STXBP5: variants seen among roughly 807,000 people sequenced by gnomAD.
STXBP5 encodes syntaxin binding protein 5.
Under a neutral mutation model 152.4 loss-of-function variants are expected in STXBP5, and 50 were observed. The observed-to-expected ratio is 0.33, with a 90% confidence interval of 0.26 to 0.42. The LOEUF (loss-of-function observed/expected upper bound fraction) is 0.42, where lower values mean the gene tolerates loss of function less well. STXBP5 is among the 10% of genes least tolerant of loss of function. The pLI, the probability that STXBP5 is intolerant of heterozygous loss-of-function variation, is 1.00. For synonymous variants in STXBP5, 492 were observed against 494.7 expected (o/e 0.99, Z 0.07); for missense variants, 1,167 against 1,388.6 (o/e 0.84, Z 2.54).
At chr6:147,374,311 A>G (rs973622023) in intron 26 of STXBP5, among the ~76,000 whole-genome samples, 3 of 152,224 alleles carry the variant, frequency 2.0e-5, no homozygotes, top group Non-Finnish European at 4.4e-5. Flanking sequence ...TCCTTGAATG[A>G]ACTAATGAAT....
At chr6:147,251,974 G>A (rs992550246) in intron 4 of STXBP5, among the ~76,000 whole-genome samples, 1 of 152,172 alleles carries the variant, frequency 6.6e-6, no homozygotes, top group African/African-American at 2.4e-5. Context: ...GCAAACTCCA[G>A]CAGACCTGCA....
intron 4 of STXBP5, among the ~76,000 whole-genome samples, chr6:147,248,296 A>C (rs1294733848): frequency 6.6e-6 from 1 of 152,018 alleles, no homozygotes; most frequent in Non-Finnish European, 1.5e-5. Context: ...AAAAAAAAAA[A>C]AACTACTTAG....
intron 7 of STXBP5, among the ~76,000 whole-genome samples, chr6:147,276,312 T>C (rs993077458): frequency 5.3e-5 from 8 of 152,162 alleles, no homozygotes; most frequent in African/African-American, 1.9e-4. Context: ...ATTTCTTTGC[T>C]TTTTTGTGGG....
At chr6:147,273,176 G>A (rs374248366) in intron 7 of STXBP5, among the ~76,000 whole-genome samples, 1 of 67,228 alleles carries the variant, frequency 1.5e-5, no homozygotes, top group East Asian at 8.0e-4. Context: ...AACATAGCAA[G>A]ACCCTGCCTC....
intron 12 of STXBP5, 60 bp from the exon 13 acceptor site, chr6:147,314,204 C>CAT: frequency 7.0e-7 from 1 of 1,434,822 alleles, no homozygotes; most frequent in Non-Finnish European, 9.8e-7. Context: ...CACACACACA[C>CAT]ACACACGGAG....
intron 9 of STXBP5, among the ~76,000 whole-genome samples, chr6:147,303,429 C>T (rs1350751314): frequency 1.3e-5 from 2 of 152,156 alleles, no homozygotes; most frequent in Admixed American, 1.3e-4. Context: ...CCTCCCCAGC[C>T]ATGCTGAACT....
chr6:147,270,409 A>AAG (rs1243674406), intron 7 of STXBP5, among the ~76,000 whole-genome samples: 3 of 151,566 alleles, frequency 2.0e-5, no homozygotes, highest in Non-Finnish European at 4.4e-5. Flanking sequence ...AAAAAAAAAA[A>AAG]AAAAAAATTA....
At chr6:147,366,657 T>C (rs1412626079) in intron 25 of STXBP5, among the ~76,000 whole-genome samples, 1 of 152,208 alleles carries the variant, frequency 6.6e-6, no homozygotes, top group African/African-American at 2.4e-5. Flanking sequence ...TGTAATTGGA[T>C]TATAACCCAT....
chr6:147,204,421 T>TC lies in STXBP5; in HGVS notation c.-109dup, dbSNP rs1776425425. 3 of 977,110 alleles carry TC rather than the reference T, an allele frequency of 3.1e-6. No homozygotes were observed. The highest frequency in any genetic ancestry group is 4.8e-5 in the Admixed American group (2 of 41,932). 60.5% of individuals were successfully genotyped at this position (977,110 alleles called of 1,614,324 possible). A position where few individuals can be genotyped will look rare whatever the true frequency, so the allele number is the denominator to read the frequency against. ...CCCAGCTGCCTCCTTACCCTCACACTCCCACTCCTCCGTTTCCGCGGTCGA... is the reference window on the plus strand; with the variant it reads ...CCCAGCTGCCTCCTTACCCTCACACTCCCCACTCCTCCGTTTCCGCGGTCGA... On this transcript the variant is annotated 5_prime_UTR_variant, in exon 1 of 28. Transcript: ENST00000321680. The surrounding 1 kb of genome is among the most constrained non-coding windows in gnomAD (Gnocchi z 4.3).
At chr6:147,254,269 T>TTAC (rs1779246750) in intron 4 of STXBP5, among the ~76,000 whole-genome samples, 1 of 152,218 alleles carries the variant, frequency 6.6e-6, no homozygotes, top group African/African-American at 2.4e-5. Context: ...GACCCCTTCC[T>TTAC]TACACCTTGT....
At chr6:147,228,467 G>A (rs1001149500) in intron 2 of STXBP5, among the ~76,000 whole-genome samples, 3 of 151,756 alleles carry the variant, frequency 2.0e-5, no homozygotes, top group African/African-American at 7.3e-5. Flanking sequence ...TATTTAGGTG[G>A]GGACTAATTT....
chr6:147,243,232 C>T (rs1451820087), intron 4 of STXBP5, among the ~76,000 whole-genome samples: 1 of 152,136 alleles, frequency 6.6e-6, no homozygotes, highest in Admixed American at 6.5e-5. Context: ...CCTTTTGCTC[C>T]ATATCCTTAC....
intron 19 of STXBP5, among the ~76,000 whole-genome samples, chr6:147,335,926 A>G (rs916987189): frequency 1.4e-4 from 21 of 152,268 alleles, no homozygotes; most frequent in African/African-American, 5.1e-4. Flanking sequence ...TGAAAAGGAA[A>G]GTAATAGAGA....
chr6:147,363,969 A>C (rs770644462), intron 24 of STXBP5, 32 bp from the exon 25 acceptor site: 69 of 1,603,222 alleles, frequency 4.3e-5, no homozygotes, highest in Admixed American at 6.8e-5. Flanking sequence ...AACCTACCTT[A>C]TTATTAACAA....
chr6:147,204,727 G>T lies in STXBP5; in HGVS notation c.150+45G>T. 1 of 1,520,842 alleles carries T rather than the reference G, an allele frequency of 6.6e-7. No individual in the cohort carries two copies. 94.2% of individuals were successfully genotyped at this position (1,520,842 alleles called of 1,614,324 possible). ...CCGCGACACCGTCATTGAAAAATTG[G>T]GGTTGTTTTAAGGGGGCTACTCGGG... On this transcript the variant is annotated intron_variant, in intron 1 of 27. Coordinates refer to ENST00000321680, the MANE Select transcript of STXBP5 (RefSeq NM_001127715.4). The surrounding 1 kb of genome is among the most constrained non-coding windows in gnomAD (Gnocchi z 4.3).
chr6:147,248,468 C>G (rs1053928790), intron 4 of STXBP5, among the ~76,000 whole-genome samples: 1 of 151,746 alleles, frequency 6.6e-6, no homozygotes, highest in African/African-American at 2.4e-5. Context: ...TTAAAGAAGA[C>G]AAAAGTCAGT....
chr6:147,298,840 GA>G (rs1781663193), intron 9 of STXBP5, among the ~76,000 whole-genome samples: 1 of 151,898 alleles, frequency 6.6e-6, no homozygotes, highest in South Asian at 2.1e-4. Flanking sequence ...GTCCTAAGAG[GA>G]AAATTTGTAG....
chr6:147,365,497 G>T (rs1785251711), intron 25 of STXBP5, among the ~76,000 whole-genome samples: 1 of 152,068 alleles, frequency 6.6e-6, no homozygotes, highest in Admixed American at 6.6e-5. Flanking sequence ...CTATCCTTTA[G>T]TTGGTGTTTT....
At chr6:147,383,128 C>T in intron 27 of STXBP5, 130 bp downstream of exon 27, 2 of 1,144,122 alleles carry the variant, frequency 1.7e-6, no homozygotes, top group South Asian at 3.2e-5. Context: ...ATTGCAAGTT[C>T]CTGATTTTTG....
Sources: gnomAD v4.1 joint callset for allele counts (sites outside exome capture counted in the v4.1 genomes callset) on GRCh38, gnomAD v4.1.1 for gene constraint, Gnocchi (gnomAD v3.1) non-coding constraint, MANE v1.5 for transcripts, NCBI Gene and HGNC (gene_info 2026-07-23, HGNC 2026-07-21) for gene names.